ARNT2: variants seen among roughly 807,000 people sequenced by gnomAD.
The protein encoded by ARNT2 is ARNT protein 2.
A neutral mutation model predicts 91.7 loss-of-function variants in ARNT2; 36 were observed. The ratio of observed to expected loss-of-function variants is 0.39; its 90% CI spans 0.30 to 0.52. ARNT2 has a LOEUF of 0.52. Among genes scored for constraint, ARNT2 ranks in the 20% least tolerant of loss-of-function variants. The probability of loss-of-function intolerance (pLI) is 0.72; values close to 1 mark genes in which losing one functional copy is unlikely to be tolerated. For synonymous variants in ARNT2, 365 were observed against 347.1 expected, an observed-to-expected ratio of 1.05 and a Z score of -0.57; for missense variants, 775 against 939.3, an observed-to-expected ratio of 0.83 and a Z score of 2.29.
chr15:80,442,168 C>T (rs1313965877), intron 1 of ARNT2, among the ~76,000 whole-genome samples: 1 of 152,172 alleles, frequency 6.6e-6, no homozygotes, highest in Non-Finnish European at 1.5e-5. Flanking sequence ...AAAGCATACC[C>T]CTCAGAGGGG....
intron 2 of ARNT2, 127 bp downstream of exon 2, chr15:80,451,121 C>T: frequency 1.1e-6 from 1 of 940,274 alleles, no homozygotes; most frequent in Non-Finnish European, 1.6e-6. Context: ...TCCTGTTTAA[C>T]TTTTACAAGA....
intron 8 of ARNT2, among the ~76,000 whole-genome samples, chr15:80,534,317 CT>C (rs146398955): frequency 0.013 from 1,860 of 147,544 alleles, 40 homozygotes; most frequent in African/African-American, 0.043. Context: ...TGCTTACCTT[CT>C]TTTTTTTTTG....
At chr15:80,435,961 T>A (rs1311431837) in intron 1 of ARNT2, 1 of 152,240 alleles carries the variant, frequency 6.6e-6, no homozygotes, top group African/African-American at 2.4e-5. Context: ...GTGAGCACAT[T>A]GTCTTCAGCT....
At chr15:80,528,099 C>G (rs1359572977) in intron 8 of ARNT2, among the ~76,000 whole-genome samples, 1 of 152,146 alleles carries the variant, frequency 6.6e-6, no homozygotes, top group Non-Finnish European at 1.5e-5. Context: ...TGAGGCCGAA[C>G]TAGGGCAGCA....
At chr15:80,518,531 A>G (rs142894925) in intron 8 of ARNT2, among the ~76,000 whole-genome samples, 2,661 of 152,100 alleles carry the variant, frequency 0.017, 83 homozygotes, top group African/African-American at 0.061. Flanking sequence ...CTCCTGCCTT[A>G]GCCTCCCAAA....
chr15:80,595,767 T>A lies in ARNT2; in HGVS notation c.*2069T>A, dbSNP rs1393747332. On this transcript the variant is annotated 3_prime_UTR_variant, in exon 19 of 19. Transcript: ENST00000303329. ...GGGAAATGGCAGGTGGTTGAAACCC[T>A]GCACATCCTCCCAGGGCCAGCCCCA... 1 of 152,268 alleles carries A rather than the reference T, an allele frequency of 6.6e-6. No individual in the cohort carries two copies. The highest frequency in any genetic ancestry group is 1.9e-4 in the East Asian group (1 of 5,186). 9.4% of individuals were successfully genotyped at this position (152,268 alleles called of 1,614,324 possible).
chr15:80,568,060 G>A (rs563750753), intron 12 of ARNT2, among the ~76,000 whole-genome samples: 37 of 152,150 alleles, frequency 2.4e-4, no homozygotes, highest in Non-Finnish European at 4.4e-4. Context: ...GAGAAACTGA[G>A]TGTTTAATGT....
rs558417717 is a variant in ARNT2 at position 80,440,282 on chromosome 15, C to T, written c.32-10598C>T. Reference sequence around the variant, plus strand: ...TGCAGTTAGACCTGTGGGGTCATCTCGCACAGAGTGGGGCAGGTTGAATGG... The same window carrying T: ...TGCAGTTAGACCTGTGGGGTCATCTTGCACAGAGTGGGGCAGGTTGAATGG... On this transcript the variant is annotated intron_variant, in intron 1 of 18. Coordinates refer to ENST00000303329, the MANE Select transcript of ARNT2 (RefSeq NM_014862.4). Among the ~76,000 whole-genome samples the T allele has an allele frequency of 1.5e-4, 23 of 152,286 alleles. 1 individual carries two copies. The South Asian group carries it at 4.1e-3, about 27-fold the overall frequency.
intron 8 of ARNT2, among the ~76,000 whole-genome samples, chr15:80,528,682 G>T (rs544687738): frequency 4.6e-5 from 7 of 152,088 alleles, no homozygotes; most frequent in Non-Finnish European, 1.0e-4. Flanking sequence ...AGGAGAGTTG[G>T]TTGTTAAAAA....
chr15:80,550,624 T>C (rs1174320477), intron 8 of ARNT2, among the ~76,000 whole-genome samples: 1 of 152,224 alleles, frequency 6.6e-6, no homozygotes, highest in Non-Finnish European at 1.5e-5. Flanking sequence ...AGGATTGTTT[T>C]AACCAGTTCC....
At chr15:80,579,538 CCTT>C (rs914642467) in intron 15 of ARNT2, among the ~76,000 whole-genome samples, 2 of 152,132 alleles carry the variant, frequency 1.3e-5, no homozygotes, top group African/African-American at 4.8e-5. Context: ...TCTACCAAAG[CCTT>C]CTGTGATGAG....
Position 80,404,578 on chromosome 15 carries a change from G to T in ARNT2, c.31+32G>T. On this transcript the variant is annotated intron_variant, in intron 1 of 18. Coordinates refer to ENST00000303329, the MANE Select transcript of ARNT2 (RefSeq NM_014862.4). The surrounding 1 kb of genome is among the most constrained non-coding windows in gnomAD (Gnocchi z 5.5). ...AGCGGCCTGGGCCCCGCCGCCCGCC[G>T]CAGCCCGCAGGCCTTGCCCGGGGCC... The T allele has an allele frequency of 9.2e-7, 1 of 1,081,204 alleles. No individual in the cohort carries two copies. Among genetic ancestry groups the T allele is most frequent in the Non-Finnish European group, 1.1e-6 (1 of 889,026 alleles). 67.0% of individuals were successfully genotyped at this position (1,081,204 alleles called of 1,614,324 possible).
intron 11 of ARNT2, among the ~76,000 whole-genome samples, chr15:80,560,571 C>T (rs1397142973): frequency 6.6e-6 from 1 of 152,152 alleles, no homozygotes; most frequent in Admixed American, 6.5e-5. Context: ...TAACAAATTT[C>T]ACACTGTCTC....
At chr15:80,589,886 T>G (rs554302451) in intron 17 of ARNT2, among the ~76,000 whole-genome samples, 138 of 152,288 alleles carry the variant, frequency 9.1e-4, no homozygotes, top group African/African-American at 3.2e-3. Context: ...GCACAGTAGA[T>G]TTAAATCTCT....
intron 1 of ARNT2, among the ~76,000 whole-genome samples, chr15:80,421,058 G>C (rs1895853648): frequency 6.6e-6 from 1 of 152,130 alleles, no homozygotes; most frequent in African/African-American, 2.4e-5. Context: ...ATACACCATG[G>C]AATACTACTC....
chr15:80,504,335 G>T (rs936582655), intron 5 of ARNT2, among the ~76,000 whole-genome samples: 1 of 152,120 alleles, frequency 6.6e-6, no homozygotes, highest in African/African-American at 2.4e-5. Context: ...GTTGTTGTCC[G>T]CTCTCTCATC....
At chr15:80,448,801 G>T (rs1257157513) in intron 1 of ARNT2, among the ~76,000 whole-genome samples, 1 of 152,148 alleles carries the variant, frequency 6.6e-6, no homozygotes, top group African/African-American at 2.4e-5. Flanking sequence ...GGCTAACACG[G>T]TGAAACCCCA....
chr15:80,451,403 G>A (rs1054595976), intron 2 of ARNT2, among the ~76,000 whole-genome samples: 3 of 152,260 alleles, frequency 2.0e-5, no homozygotes, highest in African/African-American at 7.2e-5. Flanking sequence ...ATGGTGTGCA[G>A]GAATTCCTTT....
In ARNT2 at chr15:80,412,231, C is replaced by T. The variant is rs539411271; in HGVS notation, c.31+7685C>T. 5.9e-5 allele frequency among the ~76,000 whole-genome samples: 9 copies of T among 152,264 alleles called. No homozygotes were observed. The East Asian group carries it at 9.6e-4, about 16-fold the overall frequency. On this transcript the variant is annotated intron_variant, in intron 1 of 18. Transcript: ENST00000303329. ...CCAAAATGTTTACAAATAGGTACTTCCTGCTTTTGTACATTGTATGAAAAC... is the reference window on the plus strand; with the variant it reads ...CCAAAATGTTTACAAATAGGTACTTTCTGCTTTTGTACATTGTATGAAAAC...
Sources: allele counts gnomAD v4.1 joint callset (sites outside exome capture counted in the v4.1 genomes callset), GRCh38; gene constraint gnomAD v4.1.1; non-coding constraint Gnocchi (gnomAD v3.1); transcripts MANE v1.5; gene names NCBI Gene and HGNC (gene_info 2026-07-23, HGNC 2026-07-21).